The following LYN variants were observed in gnomAD, a reference collection of about 807,000 sequenced individuals.
The protein encoded by LYN is LYN proto-oncogene, Src family tyrosine kinase.
Under a neutral mutation model 65.0 loss-of-function variants are expected in LYN, and 12 were observed. The ratio of observed to expected loss-of-function variants is 0.18; its 90% CI spans 0.12 to 0.30. The LOEUF (loss-of-function observed/expected upper bound fraction) is 0.30, where lower values mean the gene tolerates loss of function less well. Among genes scored for constraint, LYN ranks in the 10% least tolerant of loss-of-function variants. The pLI is 1.00. For synonymous variants in LYN, 222 were observed against 221.2 expected (o/e 1.00, Z -0.03); for missense variants, 380 against 623.2 (o/e 0.61, Z 4.16).
Position 55,913,176 on chromosome 8 carries a change from G to A in LYN, c.-5-28679G>A, listed in dbSNP as rs921216489. On this transcript the variant is annotated intron_variant, in intron 1 of 12. Coordinates refer to ENST00000519728, the MANE Select transcript of LYN (RefSeq NM_002350.4). Reference sequence around the variant, plus strand: ...CCTGTGTTCGCTTCCTTTTCCCTGGGCCCCTCTGTTAAAATCTTTTAGCAA... The same window carrying A: ...CCTGTGTTCGCTTCCTTTTCCCTGGACCCCTCTGTTAAAATCTTTTAGCAA... Among the ~76,000 whole-genome samples the A allele has an allele frequency of 9.2e-5, 14 of 152,010 alleles. 1 individual carries two copies. The highest frequency in any genetic ancestry group is 1.5e-5 in the Non-Finnish European group (1 of 68,016).
At position 55,904,539 on chromosome 8, in the gene LYN, C is replaced by T. The variant is rs111241896; in HGVS notation, c.-6+24436C>T. Among the ~76,000 whole-genome samples, 195 of 152,136 alleles carry T rather than the reference C, an allele frequency of 1.3e-3. 4 individuals are homozygous for T. The highest frequency in any genetic ancestry group is 4.4e-3 in the African/African-American group (181 of 41,494). On this transcript the variant is annotated intron_variant, in intron 1 of 12. Transcript: ENST00000519728. ...TTTAATAGGGCATGGAATTATGATG[C>T]CACACAAAATAATTTCTGTATGTGT...
chr8:55,919,865 G>GC (rs927145104), intron 1 of LYN, among the ~76,000 whole-genome samples: 4 of 146,620 alleles, frequency 2.7e-5, no homozygotes, highest in Non-Finnish European at 6.0e-5. Context: ...CTGCTTGGAG[G>GC]CAACTTTATA....
chr8:55,905,465 A>G (rs1272398931), intron 1 of LYN, among the ~76,000 whole-genome samples: 1 of 152,172 alleles, frequency 6.6e-6, no homozygotes, highest in African/African-American at 2.4e-5. Context: ...CATGGTGGTC[A>G]GTGAATTAAG....
intron 10 of LYN, among the ~76,000 whole-genome samples, chr8:55,986,979 G>A (rs1274337091): frequency 1.3e-5 from 2 of 152,158 alleles, no homozygotes; most frequent in Non-Finnish European, 2.9e-5. Context: ...TCCTCACAAA[G>A]CACTGGGATT....
intron 1 of LYN, among the ~76,000 whole-genome samples, chr8:55,883,931 G>A (rs537514455): frequency 1.3e-5 from 2 of 152,180 alleles, no homozygotes; most frequent in African/African-American, 4.8e-5. Context: ...CTTAAATTGT[G>A]AAACTTTAAG....
At position 55,883,003 on chromosome 8, in the gene LYN, A is replaced by T. The variant is rs183114751; in HGVS notation, c.-6+2900A>T. Reference sequence around the variant, plus strand: ...AGTAGAAGATGCATTTAATACACTTAACCTACTAAACATTATAGATTAGCC... The same window carrying T: ...AGTAGAAGATGCATTTAATACACTTTACCTACTAAACATTATAGATTAGCC... On this transcript the variant is annotated intron_variant, in intron 1 of 12. Transcript: ENST00000519728. 1.2e-3 allele frequency among the ~76,000 whole-genome samples: 177 copies of T among 152,338 alleles called. 4 individuals are homozygous for T. Among genetic ancestry groups the T allele is most frequent in the Non-Finnish European group, 1.3e-4 (9 of 68,026 alleles).
chr8:55,964,563 AT>A (rs992757989), intron 8 of LYN, among the ~76,000 whole-genome samples: 2 of 152,198 alleles, frequency 1.3e-5, no homozygotes, highest in East Asian at 1.9e-4. Context: ...TAAAAAAATC[AT>A]TTTTTAAAAA....
intron 1 of LYN, among the ~76,000 whole-genome samples, chr8:55,933,463 A>T (rs1425161356): frequency 6.6e-6 from 1 of 152,228 alleles, no homozygotes; most frequent in East Asian, 1.9e-4. Flanking sequence ...TTATTTTCTT[A>T]TAAGTAATTT....
At chr8:55,952,313 C>A (rs1806973432) in intron 7 of LYN, among the ~76,000 whole-genome samples, 198 bp downstream of exon 7, 1 of 152,124 alleles carries the variant, frequency 6.6e-6, no homozygotes, top group Non-Finnish European at 1.5e-5. Context: ...AATCCCAGCA[C>A]TTTGGGAGGC....
At chr8:55,923,232 T>G (rs1230971896) in intron 1 of LYN, among the ~76,000 whole-genome samples, 1 of 152,188 alleles carries the variant, frequency 6.6e-6, no homozygotes, top group African/African-American at 2.4e-5. Flanking sequence ...TCTAAGGTAC[T>G]GATCCTTTCT....
rs1435568384 is a variant in LYN at position 55,979,263 on chromosome 8, A to G, written c.1050+9470A>G. ...CACCATGTTGGCCAGGCTGGTCCTG[A>G]ACTCCCAACCTCAGGTGATCCACCC... On this transcript the variant is annotated intron_variant, in intron 10 of 12. Coordinates refer to ENST00000519728, the MANE Select transcript of LYN (RefSeq NM_002350.4). Among the ~76,000 whole-genome samples the G allele has an allele frequency of 2.6e-5, 4 of 151,992 alleles. No homozygotes were observed. The East Asian group carries it at 7.7e-4, about 29-fold the overall frequency.
At chr8:55,912,179 G>A (rs10095555) in intron 1 of LYN, among the ~76,000 whole-genome samples, 18,482 of 152,236 alleles carry the variant, frequency 0.12, 1,509 homozygotes, top group Middle Eastern at 0.28. Flanking sequence ...TACTCCAAAG[G>A]AATTTGACTA....
At chr8:55,963,374 T>C (rs1807343651) in intron 8 of LYN, among the ~76,000 whole-genome samples, 1 of 152,194 alleles carries the variant, frequency 6.6e-6, no homozygotes, top group African/African-American at 2.4e-5. Flanking sequence ...CTAGCAGAGC[T>C]GTACTTAGAG....
intron 10 of LYN, among the ~76,000 whole-genome samples, chr8:55,995,615 G>A (rs1051176172): frequency 4.6e-5 from 7 of 152,226 alleles, no homozygotes; most frequent in African/African-American, 1.7e-4. Flanking sequence ...GCAGGAGAGG[G>A]TATGCCAGGC....
chr8:55,947,208 T>C (rs1207998007), intron 3 of LYN, among the ~76,000 whole-genome samples: 1 of 152,190 alleles, frequency 6.6e-6, no homozygotes, highest in East Asian at 1.9e-4. Context: ...GAGATTGCAC[T>C]ATTGCACTCC....
intron 8 of LYN, among the ~76,000 whole-genome samples, chr8:55,954,567 A>C: frequency 6.6e-6 from 1 of 152,214 alleles, no homozygotes. Flanking sequence ...AGCTGAGCAC[A>C]GTGGCTCATA....
At position 55,966,852 on chromosome 8, in the gene LYN, A is replaced by T; in HGVS notation, c.928A>T (p.Thr310Ser). 1.2e-6 allele frequency: 2 copies of T among 1,614,104 alleles called. No individual in the cohort carries two copies. Among genetic ancestry groups the T allele is most frequent in the Non-Finnish European group, 1.7e-6 (2 of 1,179,982 alleles). The stretch of plus-strand genomic sequence containing the variant: ...GCTCGTGAGGCTCTACGCTGTGGTC[A>T]CCAGGGAGGAGCCCATTTACATCAT... ...DKLVRLYAVV[T>S]REEPIYIITE... The change falls in exon 9 of 13, where the codon ACC becomes TCC. Residue 310 changes from threonine (T) to serine (S), a missense_variant. This residue lies in a region of LYN where 223 missense variants were observed against 430.0 expected (regional missense o/e 0.52). Transcript: ENST00000519728.
At chr8:55,912,998 A>G (rs16922391) in intron 1 of LYN, among the ~76,000 whole-genome samples, 5,747 of 152,248 alleles carry the variant, frequency 0.038, 116 homozygotes, top group African/African-American at 0.055. Flanking sequence ...TGATGATGCT[A>G]CTTATTAAAA....
chr8:55,897,765 T>C (rs1207081187), intron 1 of LYN, among the ~76,000 whole-genome samples: 1 of 151,950 alleles, frequency 6.6e-6, no homozygotes, highest in Admixed American at 6.6e-5. Context: ...TTAAAAAAAT[T>C]AGCCAAGAGT....
Sources: gnomAD v4.1 joint callset for allele counts (sites outside exome capture counted in the v4.1 genomes callset) on GRCh38, gnomAD v4.1.1 for gene constraint, gnomAD v4.1.1 regional missense constraint, MANE v1.5 for transcripts, NCBI Gene and HGNC (gene_info 2026-07-23, HGNC 2026-07-21) for gene names.